The following ENDOG variants were observed in gnomAD, a reference collection of about 807,000 sequenced individuals.
ENDOG encodes the protein endonuclease G, mitochondrial.
Under a neutral mutation model 22.6 loss-of-function variants are expected in ENDOG, and 22 were observed. That is an observed-to-expected ratio of 0.97 (90% CI 0.70 to 1.39). ENDOG has a LOEUF of 1.39. Ranked by LOEUF, ENDOG falls within the 40% of genes most tolerant of loss-of-function variation. ENDOG has a pLI of 0.00. For synonymous variants in ENDOG, 173 were observed against 200.2 expected (o/e 0.86, Z 1.15); for missense variants, 403 against 431.3 (o/e 0.93, Z 0.58).
intron 1 of ENDOG, 169 bp from the exon 2 acceptor site, chr9:128,820,570 C>G (rs1830090220): frequency 1.6e-6 from 1 of 623,348 alleles, no homozygotes; most frequent in Non-Finnish European, 2.9e-6. Flanking sequence ...AGCACTCTAT[C>G]AGCCCTGGGT....
In ENDOG at chr9:128,822,369, T is replaced by A. The variant is rs752697421; in HGVS notation, c.653T>A (p.Ile218Asn). Residue 218 changes from isoleucine (I) to asparagine (N), a missense_variant, in exon 3 of 3, where the codon ATC becomes AAC. By Grantham distance (149) the Ile-to-Asn change is moderately radical. Transcript: ENST00000372642. ...AAATCCTACGTAAAGTACCAGGTCA[T>A]CGGCAAGAACCACGTGGCAGTGCCC... ...DGKSYVKYQV[I>N]GKNHVAVPTH... The A allele has an allele frequency of 1.2e-6, 2 of 1,613,920 alleles. No individual in the cohort carries two copies. Among genetic ancestry groups the A allele is most frequent in the South Asian group, 1.1e-5 (1 of 91,042 alleles).
Position 128,819,011 on chromosome 9 carries a change from C to CCGGCG in ENDOG, c.330_334dup (p.Glu112GlyfsTer52). On this transcript the variant is annotated frameshift_variant, in exon 1 of 3. Coordinates refer to ENST00000372642, the MANE Select transcript of ENDOG (RefSeq NM_004435.2). LOFTEE classifies it high-confidence loss of function. ...CCGAGCGTCTCCGCGGCGACGGCGA[C>CCGGCG]CGGCGCGAGTGCGACTTCCGCGAGG... The CCGGCG allele has an allele frequency of 6.7e-7, 1 of 1,485,038 alleles. No individual in the cohort carries two copies. Among genetic ancestry groups the CCGGCG allele is most frequent in the Non-Finnish European group, 8.9e-7 (1 of 1,125,688 alleles). 92.0% of individuals were successfully genotyped at this position (1,485,038 alleles called of 1,614,324 possible).
chr9:128,819,264 A>G, intron 1 of ENDOG, 79 bp downstream of exon 1: 2 of 1,387,078 alleles, frequency 1.4e-6, no homozygotes, highest in Non-Finnish European at 1.9e-6. Context: ...GTTCTTCTGC[A>G]GAACGGGGCA....
At chr9:128,821,119 G>A (rs1830104770) in intron 2 of ENDOG, 1 of 506,636 alleles carries the variant, frequency 2.0e-6, no homozygotes, top group African/African-American at 1.9e-5. Context: ...GTCACCTCTT[G>A]GCATGCCCAC....
chr9:128,819,183 C>T lies in ENDOG; in HGVS notation c.499C>T (p.Gln167Ter), dbSNP rs1289376407. 1 of 1,479,064 alleles carries T rather than the reference C, an allele frequency of 6.8e-7. No homozygotes were observed. The highest frequency in any genetic ancestry group is 8.9e-7 in the Non-Finnish European group (1 of 1,120,914). The allele number at this position is 1,479,064 out of a possible 1,614,324, so 91.6% of individuals were successfully genotyped here. A position where few individuals can be genotyped will look rare whatever the true frequency, so the allele number is the denominator to read the frequency against. ...GTTCTACCTGAGCAACGTCGCGCCC[C>T]AGGTAGCGCCCGCGCCCCGGGCCGG... Reference protein sequence around the residue: ...DTFYLSNVAPQVPHLNQNAWN... With the variant: ...DTFYLSNVAP Residue 167 changes from glutamine to a stop codon, truncating the protein, a stop_gained and splice_region_variant, in exon 1 of 3, where the codon CAG becomes TAG. Coordinates refer to ENST00000372642, the MANE Select transcript of ENDOG (RefSeq NM_004435.2). LOFTEE classifies it high-confidence loss of function.
rs1463787492 is a variant in ENDOG at position 128,818,516 on chromosome 9, T to G, written c.-169T>G. Reference sequence around the variant, plus strand: ...ACGCCGGGGACACCCGGTTGGGCTCTGCTGCTCCCTTCTGGGTTCCGAGGC... The same window carrying G: ...ACGCCGGGGACACCCGGTTGGGCTCGGCTGCTCCCTTCTGGGTTCCGAGGC... On this transcript the variant is annotated 5_prime_UTR_variant, in exon 1 of 3. Coordinates refer to ENST00000372642, the MANE Select transcript of ENDOG (RefSeq NM_004435.2). The G allele has an allele frequency of 1.3e-6, 1 of 762,608 alleles. No individual in the cohort carries two copies. Among genetic ancestry groups the G allele is most frequent in the Non-Finnish European group, 1.6e-6 (1 of 607,804 alleles). The allele number at this position is 762,608 out of a possible 1,614,324, so 47.2% of individuals were successfully genotyped here. A position where few individuals can be genotyped will look rare whatever the true frequency, so the allele number is the denominator to read the frequency against.
In ENDOG at chr9:128,822,643, A is replaced by G; in HGVS notation, c.*33A>G. ...GCCCAGTGAGACTGTGGGTGTGTGCAGGCCGGGGAGTATTAAAGGTGGTGA... is the reference window on the plus strand; with the variant it reads ...GCCCAGTGAGACTGTGGGTGTGTGCGGGCCGGGGAGTATTAAAGGTGGTGA... On this transcript the variant is annotated 3_prime_UTR_variant, in exon 3 of 3. Transcript: ENST00000372642. The G allele has an allele frequency of 6.4e-7, 1 of 1,557,742 alleles. No individual in the cohort carries two copies. Among genetic ancestry groups the G allele is most frequent in the Non-Finnish European group, 8.7e-7 (1 of 1,150,190 alleles).
At chr9:128,822,049 G>A (rs2132583869) in intron 2 of ENDOG, 1 of 491,746 alleles carries the variant, frequency 2.0e-6, no homozygotes, top group Non-Finnish European at 3.7e-6. Flanking sequence ...TCAGACGAAT[G>A]TGAATATTCA....
In ENDOG at chr9:128,821,705, G is replaced by A. The variant is rs1176611702; in HGVS notation, c.612-623G>A. 1.9e-5 allele frequency: 3 copies of A among 159,684 alleles called. No individual in the cohort carries two copies. The East Asian group carries it at 5.7e-4, about 30-fold the overall frequency. The allele number at this position is 159,684 out of a possible 1,614,324, so 9.9% of individuals were successfully genotyped here. ...ATCCACAGGCTCGGGATGGAGTCCA[G>A]GCCTCATCACCTAGTTCCTTGGTGC... On this transcript the variant is annotated intron_variant, in intron 2 of 2. Coordinates refer to ENST00000372642, the MANE Select transcript of ENDOG (RefSeq NM_004435.2).
rs1830053113 is a variant in ENDOG, at chr9:128,819,044, G to C, written c.360G>C (p.Ser120=). The C allele has an allele frequency of 6.7e-7, 1 of 1,498,750 alleles. No homozygotes were observed. Among genetic ancestry groups the C allele is most frequent in the Non-Finnish European group, 8.8e-7 (1 of 1,130,904 alleles). 92.8% of individuals were successfully genotyped at this position (1,498,750 alleles called of 1,614,324 possible). A position where few individuals can be genotyped will look rare whatever the true frequency, so the allele number is the denominator to read the frequency against. ...RRECDFREDD[S]VHAYHRATNA... is the part of the protein sequence containing the mutation. Reference sequence around the variant, plus strand: ...AGTGCGACTTCCGCGAGGACGACTCGGTGCACGCGTACCACCGTGCCACCA... The same window carrying C: ...AGTGCGACTTCCGCGAGGACGACTCCGTGCACGCGTACCACCGTGCCACCA... Residue 120 remains serine (S), a synonymous_variant, in exon 1 of 3, where the codon TCG becomes TCC. Transcript: ENST00000372642.
rs115957252 is a variant in ENDOG at position 128,821,090 on chromosome 9, G to T, written c.611+242G>T. On this transcript the variant is annotated intron_variant, in intron 2 of 2. Coordinates refer to ENST00000372642, the MANE Select transcript of ENDOG (RefSeq NM_004435.2). ...ATGGGCAGCAGCAGGCCCTGAATCT[G>T]CCCCCGCTTCTCCCTGCTGTCACCT... The T allele has an allele frequency of 1.6e-3, 881 of 542,566 alleles. 10 individuals carry two copies. Among genetic ancestry groups the T allele is most frequent in the African/African-American group, 0.015 (812 of 52,592 alleles). The allele number at this position is 542,566 out of a possible 1,614,324, so 33.6% of individuals were successfully genotyped here.
chr9:128,820,854 G>A lies in ENDOG; in HGVS notation c.611+6G>A. On this transcript the variant is annotated splice_donor_region_variant and intron_variant, in intron 2 of 2. Transcript: ENST00000372642. The stretch of plus-strand genomic sequence containing the variant: ...GGGCCACTCTTCCTGCCCAGGTAAG[G>A]TGGAAACCAGGGGGGCGGCAGAACC... The A allele has an allele frequency of 6.2e-7, 1 of 1,602,164 alleles. No individual in the cohort carries two copies. The highest frequency in any genetic ancestry group is 8.5e-7 in the Non-Finnish European group (1 of 1,173,642).
intron 1 of ENDOG, 42 bp downstream of exon 1, chr9:128,819,227 G>A: frequency 1.2e-5 from 17 of 1,421,130 alleles, no homozygotes; most frequent in Non-Finnish European, 1.6e-5. Flanking sequence ...TGCGGGGCCG[G>A]CGCCTGGCCT....
In ENDOG at chr9:128,822,329, A is replaced by G. The variant is rs956553543; in HGVS notation, c.613A>G (p.Thr205Ala). ...ACGTGTGCCTGGGTCTGCCCACAGGACAGAGGCTGATGGGAAATCCTACGT... is the reference window on the plus strand; with the variant it reads ...ACGTGTGCCTGGGTCTGCCCACAGGGCAGAGGCTGATGGGAAATCCTACGT... ...VCTGPLFLPR[T>A]EADGKSYVKY... The change falls in exon 3 of 3, where the codon ACA becomes GCA. Residue 205 changes from threonine to alanine, a missense_variant and splice_region_variant. Physicochemically the swap from Thr to Ala is moderately conservative, Grantham distance 58 (BLOSUM62 0). Transcript: ENST00000372642. The G allele has an allele frequency of 6.2e-7, 1 of 1,613,226 alleles. No homozygotes were observed. The highest frequency in any genetic ancestry group is 1.1e-5 in the South Asian group (1 of 91,050).
At chr9:128,820,228 C>A (rs1019750656) in intron 1 of ENDOG, 1 of 155,128 alleles carries the variant, frequency 6.4e-6, no homozygotes, top group Non-Finnish European at 1.4e-5. Context: ...TGCCATGGGG[C>A]TCTGGGTGGA....
chr9:128,818,834 G>A lies in ENDOG; in HGVS notation c.150G>A (p.Glu50=). The A allele has an allele frequency of 3.7e-6, 5 of 1,335,054 alleles. No homozygotes were observed. Among genetic ancestry groups the A allele is most frequent in the Non-Finnish European group, 4.8e-6 (5 of 1,046,832 alleles). 82.7% of individuals were successfully genotyped at this position (1,335,054 alleles called of 1,614,324 possible). The change falls in exon 1 of 3, where the codon GAG becomes GAA. Residue 50 remains glutamate, a synonymous_variant. Coordinates refer to ENST00000372642, the MANE Select transcript of ENDOG (RefSeq NM_004435.2). ...TGCTGCCCGTGGCGGCGGCAGCCGA[G>A]TTGCCCCCTGTGCCCGGGGGACCCC... ...LPVLPVAAAA[E]LPPVPGGPRG...
At position 128,818,681 on chromosome 9, in the gene ENDOG, G is replaced by A. The variant is rs1174957179; in HGVS notation, c.-4G>A. 3 of 1,165,516 alleles carry A rather than the reference G, an allele frequency of 2.6e-6. No individual in the cohort carries two copies. The highest frequency in any genetic ancestry group is 1.6e-5 in the African/African-American group (1 of 61,614). 72.2% of individuals were successfully genotyped at this position (1,165,516 alleles called of 1,614,324 possible). ...GTCGCCCGCCGCTAGGTCGCTCCCC[G>A]GCCATGCGGGCGCTGCGGGCCGGCC... On this transcript the variant is annotated 5_prime_UTR_variant, in exon 1 of 3. Transcript: ENST00000372642.
At position 128,818,555 on chromosome 9, in the gene ENDOG, A is replaced by G; in HGVS notation, c.-130A>G. 1 of 984,848 alleles carries G rather than the reference A, an allele frequency of 1.0e-6. No homozygotes were observed. The highest frequency in any genetic ancestry group is 7.3e-5 in the East Asian group (1 of 13,670). The allele number at this position is 984,848 out of a possible 1,614,324, so 61.0% of individuals were successfully genotyped here. A position where few individuals can be genotyped will look rare whatever the true frequency, so the allele number is the denominator to read the frequency against. On this transcript the variant is annotated 5_prime_UTR_variant, in exon 1 of 3. Transcript: ENST00000372642. ...GGGTTCCGAGGCCCAAGCCCTTGGC[A>G]GTGTTTGTGAGTGGAAGGGAGGTCA... is the stretch of plus-strand genomic sequence containing the variant.
intron 1 of ENDOG, chr9:128,820,119 C>T (rs569765724): frequency 6.6e-6 from 1 of 152,602 alleles, no homozygotes; most frequent in South Asian, 2.1e-4. Context: ...GAGGCAGACA[C>T]CTGGCCCACG....
Sources: gnomAD v4.1 joint callset for allele counts on GRCh38, gnomAD v4.1.1 for gene constraint, MANE v1.5 for transcripts, NCBI Gene and HGNC (gene_info 2026-07-23, HGNC 2026-07-21) for gene names.